The following CD276 variants were observed in gnomAD, a reference collection of about 807,000 sequenced individuals.
CD276 encodes CD276 antigen.
A neutral mutation model predicts 50.0 loss-of-function variants in CD276; 34 were observed. The observed-to-expected ratio is 0.68, with a 90% CI of 0.52 to 0.91. The LOEUF (loss-of-function observed/expected upper bound fraction) is 0.91. CD276 is among the 40% of genes least tolerant of loss of function. The pLI is 0.00. For synonymous variants in CD276, 275 were observed against 313.0 expected, an observed-to-expected ratio of 0.88 and a Z score of 1.28; for missense variants, 634 against 717.5, an observed-to-expected ratio of 0.88 and a Z score of 1.33.
intron 7 of CD276, 75 bp downstream of exon 7, chr15:73,708,548 A>AAT: frequency 1.3e-6 from 2 of 1,500,438 alleles, no homozygotes; most frequent in Non-Finnish European, 1.8e-6. Context: ...CTTTGATGTC[A>AAT]ATAGAGTGTC....
chr15:73,704,381 G>C lies in CD276; in HGVS notation c.1278G>C (p.Leu426=). The C allele has an allele frequency of 6.2e-7, 1 of 1,614,164 alleles. No homozygotes were observed. ...EQGLFDVHSV[L]RVVLGANGTY... ...GCTTGTTTGATGTGCACAGCGTCCT[G>C]CGGGTGGTGCTGGGTGCGAATGGCA... is the stretch of plus-strand genomic sequence containing the variant. Residue 426 remains leucine, a synonymous_variant, in exon 6 of 10, where the codon CTG becomes CTC. Transcript: ENST00000318443. This position sits in a 1 kb window ranked among gnomAD's most constrained non-coding sequence, Gnocchi z 4.1.
rs920120606 is a variant in CD276 at position 73,714,425 on chromosome 15, G to T, written c.*1469G>T. 1 of 152,846 alleles carries T rather than the reference G, an allele frequency of 6.5e-6. No individual in the cohort carries two copies. Among genetic ancestry groups the T allele is most frequent in the Non-Finnish European group, 1.5e-5 (1 of 68,122 alleles). The allele number at this position is 152,846 out of a possible 1,614,324, so 9.5% of individuals were successfully genotyped here. ...ATCTCTCCCTGCCCCAGGAATGGAA[G>T]ATGTGAGGACTTCTAATTTAAATGT... is the stretch of plus-strand genomic sequence containing the variant. On this transcript the variant is annotated 3_prime_UTR_variant, in exon 10 of 10. Transcript: ENST00000318443.
Position 73,696,623 on chromosome 15 carries a change from G to A in CD276, c.-54-2963G>A, listed in dbSNP as rs181197790. ...TTCCCTCTGGAGGGAAGCGCAGCTC[G>A]GCCCTGGGAGAGCCTGGGTAGGTCT... is the stretch of plus-strand genomic sequence containing the variant. On this transcript the variant is annotated intron_variant, in intron 1 of 9. Coordinates refer to ENST00000318443, the MANE Select transcript of CD276 (RefSeq NM_001024736.2). Among the ~76,000 whole-genome samples the A allele has an allele frequency of 3.0e-4, 46 of 152,306 alleles. No homozygotes were observed. The East Asian group carries it at 7.9e-3, about 26-fold the overall frequency.
At chr15:73,708,754 T>C in intron 7 of CD276, 1 of 463,912 alleles carries the variant, frequency 2.2e-6, no homozygotes, top group Non-Finnish European at 4.0e-6. Context: ...GGGATGAGTG[T>C]GTGCCAACAA....
chr15:73,713,857 C>A lies in CD276; in HGVS notation c.*901C>A. On this transcript the variant is annotated 3_prime_UTR_variant, in exon 10 of 10. Coordinates refer to ENST00000318443, the MANE Select transcript of CD276 (RefSeq NM_001024736.2). ...ATCCATTCAGTTGATGTTTATTGAG[C>A]AACTACAGATGTCAGCACTGTGTTA... 2.3e-6 allele frequency: 1 copy of A among 438,578 alleles called. No homozygotes were observed. Among genetic ancestry groups the A allele is most frequent in the Admixed American group, 2.6e-5 (1 of 39,048 alleles). The allele number at this position is 438,578 out of a possible 1,614,324, so 27.2% of individuals were successfully genotyped here. A position where few individuals can be genotyped will look rare whatever the true frequency, so the allele number is the denominator to read the frequency against.
Position 73,699,590 on chromosome 15 carries a change from G to C in CD276, c.-50G>C, listed in dbSNP as rs1275939210. Reference sequence around the variant, plus strand: ...CTTGCGTCCTCTTTCTCCCAGGCAGGGGCAGCCTTCCACCACGGGGAGCCC... The same window carrying C: ...CTTGCGTCCTCTTTCTCCCAGGCAGCGGCAGCCTTCCACCACGGGGAGCCC... On this transcript the variant is annotated 5_prime_UTR_variant, in exon 2 of 10. Transcript: ENST00000318443. 3.1e-6 allele frequency: 5 copies of C among 1,603,620 alleles called. No individual in the cohort carries two copies. Among genetic ancestry groups the C allele is most frequent in the Non-Finnish European group, 4.3e-6 (5 of 1,176,250 alleles).
chr15:73,692,834 A>G (rs776455314), intron 1 of CD276, among the ~76,000 whole-genome samples: 14 of 152,268 alleles, frequency 9.2e-5, no homozygotes, highest in Non-Finnish European at 1.8e-4. Flanking sequence ...TTTATGGGGA[A>G]GATGGTAGAT....
intron 1 of CD276, chr15:73,690,915 A>T (rs1268653141): frequency 2.6e-6 from 1 of 382,900 alleles, no homozygotes; most frequent in African/African-American, 2.2e-5. Context: ...CTGCGATCTT[A>T]TCACAAGGAA....
At chr15:73,709,477 G>A (rs1332784775) in intron 7 of CD276, 171 bp from the exon 8 acceptor site, 10 of 655,686 alleles carry the variant, frequency 1.5e-5, no homozygotes, top group African/African-American at 1.9e-5. Flanking sequence ...TCACAGGCTC[G>A]GCTCTGCTGT....
chr15:73,686,763 A>G (rs1899784006), intron 1 of CD276, among the ~76,000 whole-genome samples: 5 of 152,190 alleles, frequency 3.3e-5, no homozygotes, highest in Admixed American at 2.6e-4. Context: ...GCTGGATGGT[A>G]CTTGGTTGCA....
At chr15:73,708,645 A>C (rs1278526648) in intron 7 of CD276, 172 bp downstream of exon 7, 1 of 698,944 alleles carries the variant, frequency 1.4e-6, no homozygotes, top group Admixed American at 2.6e-5. Flanking sequence ...TGTGTGTGTG[A>C]ACAAGCGTGA....
At chr15:73,708,711 AGGT>A (rs1341304055) in intron 7 of CD276, 2 of 543,328 alleles carry the variant, frequency 3.7e-6, no homozygotes, top group Non-Finnish European at 6.6e-6. Flanking sequence ...TGTGACTGGA[AGGT>A]GGTGGGAGTG....
chr15:73,689,549 A>T (rs1475613137), intron 1 of CD276, among the ~76,000 whole-genome samples: 2 of 152,146 alleles, frequency 1.3e-5, no homozygotes, highest in African/African-American at 4.8e-5. Context: ...GCTGCTGCCC[A>T]TTTATAGAGC....
At chr15:73,689,379 A>G (rs1376406838) in intron 1 of CD276, among the ~76,000 whole-genome samples, 1 of 152,124 alleles carries the variant, frequency 6.6e-6, no homozygotes, top group African/African-American at 2.4e-5. Flanking sequence ...GGAAGAACTG[A>G]TTCCTGCTCT....
chr15:73,706,553 G>T (rs2141576625), intron 6 of CD276, among the ~76,000 whole-genome samples: 1 of 152,328 alleles, frequency 6.6e-6, no homozygotes, highest in Middle Eastern at 3.4e-3. Context: ...TCCAACTTTG[G>T]CCTCTCAGCC....
chr15:73,712,252 G>GCAA (rs1900933431), intron 9 of CD276: 1 of 152,068 alleles, frequency 6.6e-6, no homozygotes, highest in Non-Finnish European at 1.5e-5. Flanking sequence ...CCTGCTCCTT[G>GCAA]GTGAGGCAGC....
At chr15:73,697,418 G>A (rs960282373) in intron 1 of CD276, among the ~76,000 whole-genome samples, 6 of 151,976 alleles carry the variant, frequency 3.9e-5, no homozygotes, top group Admixed American at 6.6e-5. Flanking sequence ...AAGGATTGAG[G>A]CTGGGCGCCT....
Position 73,709,061 on chromosome 15 carries a change from G to A in CD276, c.1505-587G>A, listed in dbSNP as rs1401476145. Among the ~76,000 whole-genome samples, 3 of 152,304 alleles carry A rather than the reference G, an allele frequency of 2.0e-5. 1 individual carries two copies. The South Asian group carries it at 6.2e-4, about 32-fold the overall frequency. ...CAGAGGCTGGGGATGGCTGGAGGTT[G>A]GGAAGGAGAGGGAAGAAGAGTGGTC... On this transcript the variant is annotated intron_variant, in intron 7 of 9. Coordinates refer to ENST00000318443, the MANE Select transcript of CD276 (RefSeq NM_001024736.2).
chr15:73,685,846 T>A (rs1310227089), intron 1 of CD276, among the ~76,000 whole-genome samples: 1 of 152,050 alleles, frequency 6.6e-6, no homozygotes, highest in Admixed American at 6.5e-5. Flanking sequence ...GTCCGATGGG[T>A]TGAGCTGATC....
Sources: gnomAD v4.1 joint callset for allele counts (sites outside exome capture counted in the v4.1 genomes callset) on GRCh38, gnomAD v4.1.1 for gene constraint, Gnocchi (gnomAD v3.1) non-coding constraint, MANE v1.5 for transcripts, NCBI Gene and HGNC (gene_info 2026-07-23, HGNC 2026-07-21) for gene names.